PTPRD: variants seen among roughly 807,000 people sequenced by gnomAD.
PTPRD encodes the protein receptor-type tyrosine-protein phosphatase delta.
PTPRD carries 34 observed loss-of-function variants against 214.5 expected under a neutral mutation model. That is an observed-to-expected ratio of 0.16 (90% CI 0.12 to 0.21). PTPRD has a LOEUF of 0.21. Ranked by LOEUF, PTPRD falls within the 10% of genes least tolerant of loss-of-function variation. The pLI is 1.00. For missense variants in PTPRD, 2,545 were observed against 2,398.7 expected (o/e 1.06, Z -1.27); for synonymous variants, 1,128 against 845.7 (o/e 1.33, Z -5.79).
chr9:9,220,366 T>C (rs1459962921), intron 9 of PTPRD, among the ~76,000 whole-genome samples: 1 of 150,028 alleles, frequency 6.7e-6, no homozygotes, highest in Non-Finnish European at 1.5e-5. Flanking sequence ...ACAAGTTTTT[T>C]TGAGTTTAGA....
chr9:9,477,962 C>T (rs2095185912), intron 8 of PTPRD, among the ~76,000 whole-genome samples: 1 of 151,970 alleles, frequency 6.6e-6, no homozygotes, highest in African/African-American at 2.4e-5. Flanking sequence ...TAAAAGCCAC[C>T]CAGGATTGAT....
intron 2 of PTPRD, among the ~76,000 whole-genome samples, chr9:10,388,517 C>A (rs1196734958): frequency 1.3e-5 from 2 of 148,544 alleles, no homozygotes; most frequent in African/African-American, 4.9e-5. Context: ...CCTAAATGAT[C>A]TTACTAATCA....
intron 5 of PTPRD, among the ~76,000 whole-genome samples, chr9:9,918,351 T>TAA (rs3050147): frequency 0.4 from 40,620 of 100,614 alleles, 8,457 homozygotes; most frequent in Non-Finnish European, 0.49. Flanking sequence ...ACCAAAGAGG[T>TAA]AAAAAAAAAA....
At chr9:8,853,420 A>T (rs1327771509) in intron 11 of PTPRD, among the ~76,000 whole-genome samples, 1 of 152,092 alleles carries the variant, frequency 6.6e-6, no homozygotes, top group South Asian at 2.1e-4. Flanking sequence ...TTATTTTTTT[A>T]AAAAAGGGAG....
chr9:8,930,968 A>G (rs1408793896), intron 11 of PTPRD, among the ~76,000 whole-genome samples: 1 of 152,206 alleles, frequency 6.6e-6, no homozygotes, highest in South Asian at 2.1e-4. Context: ...TAGTTTAATG[A>G]GATCCCATTT....
chr9:10,516,487 T>A (rs752396600), intron 2 of PTPRD, among the ~76,000 whole-genome samples: 6 of 151,966 alleles, frequency 3.9e-5, no homozygotes, highest in Non-Finnish European at 8.8e-5. Context: ...TTATCAGATA[T>A]ATGGTTTGCA....
intron 8 of PTPRD, among the ~76,000 whole-genome samples, chr9:9,415,150 G>C (rs1465192238): frequency 6.6e-6 from 1 of 152,110 alleles, no homozygotes; most frequent in Non-Finnish European, 1.5e-5. Context: ...ACAGAAATGA[G>C]ATAGAGAAAA....
chr9:9,494,119 T>A (rs1249291666), intron 8 of PTPRD, among the ~76,000 whole-genome samples: 3 of 152,170 alleles, frequency 2.0e-5, no homozygotes, highest in Non-Finnish European at 4.4e-5. Context: ...GTAACTGAAC[T>A]GCTACAACCT....
intron 8 of PTPRD, among the ~76,000 whole-genome samples, chr9:9,436,525 T>A (rs771969997): frequency 3.9e-5 from 6 of 152,148 alleles, no homozygotes; most frequent in Non-Finnish European, 8.8e-5. Flanking sequence ...TACAGATGCA[T>A]CCTAAAATAA....
chr9:9,787,224 A>C (rs1019202964), intron 5 of PTPRD, among the ~76,000 whole-genome samples: 4 of 151,982 alleles, frequency 2.6e-5, no homozygotes, highest in Non-Finnish European at 5.9e-5. Flanking sequence ...TTCATTAAAA[A>C]AAAAAGAACA....
At chr9:9,786,135 T>C (rs531989307) in intron 5 of PTPRD, among the ~76,000 whole-genome samples, 1 of 152,316 alleles carries the variant, frequency 6.6e-6, no homozygotes, top group South Asian at 2.1e-4. Flanking sequence ...AAATTTTTCA[T>C]GTCTATTAGA....
At chr9:8,547,625 G>C (rs1191311172) in intron 14 of PTPRD, among the ~76,000 whole-genome samples, 2 of 145,110 alleles carry the variant, frequency 1.4e-5, no homozygotes, top group African/African-American at 5.1e-5. Context: ...CCTGCGTGAT[G>C]AGGTGGAATC....
At chr9:8,714,380 T>C (rs554190137) in intron 12 of PTPRD, among the ~76,000 whole-genome samples, 1 of 152,286 alleles carries the variant, frequency 6.6e-6, no homozygotes, top group Admixed American at 6.5e-5. Flanking sequence ...ACACTAGTCA[T>C]ATTCCTTTGA....
At chr9:10,441,630 G>A (rs576935589) in intron 2 of PTPRD, among the ~76,000 whole-genome samples, 2 of 151,042 alleles carry the variant, frequency 1.3e-5, no homozygotes. Flanking sequence ...ATACTCATCT[G>A]TTCATGAGTT....
chr9:8,382,270 C>G (rs773109995), intron 37 of PTPRD, among the ~76,000 whole-genome samples: 2 of 152,136 alleles, frequency 1.3e-5, no homozygotes, highest in Non-Finnish European at 2.9e-5. Context: ...AGAGAAAAAC[C>G]AAACATTGGA....
chr9:8,716,477 C>A (rs921104791), intron 12 of PTPRD, among the ~76,000 whole-genome samples: 3 of 152,152 alleles, frequency 2.0e-5, no homozygotes, highest in African/African-American at 7.2e-5. Flanking sequence ...TTGTTAAGCA[C>A]AGAAATAGCT....
chr9:9,784,679 G>C (rs936181009), intron 5 of PTPRD, among the ~76,000 whole-genome samples: 1 of 149,706 alleles, frequency 6.7e-6, no homozygotes, highest in Admixed American at 6.7e-5. Context: ...TTGTTCATTA[G>C]TGGAACTGTG....
chr9:10,174,361 C>T (rs993441320), intron 3 of PTPRD, among the ~76,000 whole-genome samples: 2 of 152,048 alleles, frequency 1.3e-5, no homozygotes, highest in African/African-American at 4.8e-5. Context: ...CTCTTGCTTC[C>T]TCTCTCACCA....
intron 44 of PTPRD, among the ~76,000 whole-genome samples, chr9:8,322,636 T>TAACA (rs1829573850): frequency 6.6e-6 from 1 of 152,144 alleles, no homozygotes. Flanking sequence ...GCCAACCCCA[T>TAACA]AACATAAAAG....
Sources: gnomAD v4.1 joint callset for allele counts (sites outside exome capture counted in the v4.1 genomes callset) on GRCh38, gnomAD v4.1.1 for gene constraint, MANE v1.5 for transcripts, NCBI Gene and HGNC (gene_info 2026-07-23, HGNC 2026-07-21) for gene names.